The following KCTD8 variants were observed in gnomAD, a reference collection of about 807,000 sequenced individuals.
The protein encoded by KCTD8 is potassium channel tetramerization domain containing 8, also known as BTB/POZ domain-containing protein KCTD8.
Under a neutral mutation model 31.5 loss-of-function variants are expected in KCTD8, and 27 were observed. The ratio of observed to expected loss-of-function variants is 0.86; its 90% CI spans 0.63 to 1.18. The LOEUF (loss-of-function observed/expected upper bound fraction) is 1.18, where lower values mean the gene tolerates loss of function less well. KCTD8 is among the 50% of genes most tolerant of loss of function. The pLI is 0.00. For missense variants in KCTD8, 658 were observed against 647.7 expected, an observed-to-expected ratio of 1.02 and a Z score of -0.17; for synonymous variants, 290 against 280.0, an observed-to-expected ratio of 1.04 and a Z score of -0.36.
At chr4:44,231,625 C>T (rs879702205) in intron 1 of KCTD8, among the ~76,000 whole-genome samples, 2 of 152,060 alleles carry the variant, frequency 1.3e-5, no homozygotes, top group African/African-American at 2.4e-5. Flanking sequence ...ATGTTAGAAG[C>T]AGTAGGAAAT....
intron 1 of KCTD8, among the ~76,000 whole-genome samples, chr4:44,420,565 C>T (rs1276062416): frequency 6.6e-6 from 1 of 152,074 alleles, no homozygotes; most frequent in Non-Finnish European, 1.5e-5. Context: ...ACAGAGTAGG[C>T]CATAATTTGA....
chr4:44,342,201 C>T (rs181895843), intron 1 of KCTD8, among the ~76,000 whole-genome samples: 257 of 152,036 alleles, frequency 1.7e-3, no homozygotes, highest in African/African-American at 5.6e-3. Flanking sequence ...GAAACCCCGT[C>T]TCTACTAAAA....
At chr4:44,348,034 T>C (rs1046929054) in intron 1 of KCTD8, among the ~76,000 whole-genome samples, 12 of 152,200 alleles carry the variant, frequency 7.9e-5, no homozygotes, top group Non-Finnish European at 1.3e-4. Context: ...ACAAAAATTA[T>C]AGCCCAATTT....
chr4:44,224,738 A>G (rs1162548505), intron 1 of KCTD8, among the ~76,000 whole-genome samples: 1 of 152,188 alleles, frequency 6.6e-6, no homozygotes, highest in Admixed American at 6.5e-5. Flanking sequence ...TGTCCACATA[A>G]TAGTTCATTG....
chr4:44,317,383 G>GCGCC (rs1445391834), intron 1 of KCTD8, among the ~76,000 whole-genome samples: 1 of 143,960 alleles, frequency 6.9e-6, no homozygotes, highest in Non-Finnish European at 1.5e-5. Flanking sequence ...GGGACTACAG[G>GCGCC]CGCCCGCCAC....
At chr4:44,441,369 T>A (rs924737300) in intron 1 of KCTD8, among the ~76,000 whole-genome samples, 1 of 152,180 alleles carries the variant, frequency 6.6e-6, no homozygotes, top group Non-Finnish European at 1.5e-5. Flanking sequence ...TATAAAAATA[T>A]TCATGAATAC....
intron 1 of KCTD8, among the ~76,000 whole-genome samples, chr4:44,441,287 T>C (rs1243341208): frequency 6.6e-6 from 1 of 152,162 alleles, no homozygotes; most frequent in African/African-American, 2.4e-5. Context: ...CAGGTATTAC[T>C]GTTTTATCAA....
chr4:44,264,959 G>A (rs1245291109), intron 1 of KCTD8, among the ~76,000 whole-genome samples: 3 of 152,324 alleles, frequency 2.0e-5, no homozygotes, highest in Non-Finnish European at 2.9e-5. Flanking sequence ...ACCTCTGGGG[G>A]CAGGGCACAG....
intron 1 of KCTD8, among the ~76,000 whole-genome samples, chr4:44,327,805 A>C (rs1430025192): frequency 6.6e-6 from 1 of 151,760 alleles, no homozygotes; most frequent in African/African-American, 2.4e-5. Context: ...AATGAAGTAG[A>C]TCCTAACTCA....
chr4:44,263,925 G>T (rs1467713802), intron 1 of KCTD8, among the ~76,000 whole-genome samples: 1 of 152,110 alleles, frequency 6.6e-6, no homozygotes, highest in Non-Finnish European at 1.5e-5. Context: ...TATTTTCCTT[G>T]CCAGGAACTA....
intron 1 of KCTD8, among the ~76,000 whole-genome samples, chr4:44,346,602 C>T (rs1428887580): frequency 6.6e-6 from 1 of 152,040 alleles, no homozygotes; most frequent in Non-Finnish European, 1.5e-5. Flanking sequence ...CTGGCTCAAA[C>T]TAAAAATATA....
chr4:44,389,391 T>C (rs575879126), intron 1 of KCTD8, among the ~76,000 whole-genome samples: 1 of 151,866 alleles, frequency 6.6e-6, no homozygotes, highest in South Asian at 2.1e-4. Flanking sequence ...CTTATGTACA[T>C]CATAAATACA....
At chr4:44,391,871 G>C (rs1720383804) in intron 1 of KCTD8, among the ~76,000 whole-genome samples, 1 of 151,950 alleles carries the variant, frequency 6.6e-6, no homozygotes, top group African/African-American at 2.4e-5. Flanking sequence ...TTCCATACGA[G>C]TTCAGATTTT....
chr4:44,179,131 A>G (rs939262212), intron 1 of KCTD8, among the ~76,000 whole-genome samples: 22 of 152,200 alleles, frequency 1.4e-4, no homozygotes, highest in African/African-American at 5.1e-4. Context: ...AATGGGTCTA[A>G]CTGAATTTCC....
intron 1 of KCTD8, among the ~76,000 whole-genome samples, chr4:44,323,588 C>A (rs906208519): frequency 6.7e-6 from 1 of 149,760 alleles, no homozygotes; most frequent in African/African-American, 2.5e-5. Flanking sequence ...CAACTCACCA[C>A]TTGCCCTGGG....
chr4:44,360,187 T>A (rs1719460012), intron 1 of KCTD8, among the ~76,000 whole-genome samples: 1 of 151,940 alleles, frequency 6.6e-6, no homozygotes, highest in African/African-American at 2.4e-5. Flanking sequence ...AAATTATAAA[T>A]GTAATATAAT....
intron 1 of KCTD8, among the ~76,000 whole-genome samples, chr4:44,422,272 TATATA>T (rs1257993724): frequency 2.0e-5 from 3 of 152,102 alleles, no homozygotes; most frequent in African/African-American, 7.2e-5. Flanking sequence ...GAATTAAGTA[TATATA>T]ATATGAGGAT....
chr4:44,264,481 A>T (rs904458076), intron 1 of KCTD8, among the ~76,000 whole-genome samples: 1 of 152,164 alleles, frequency 6.6e-6, no homozygotes, highest in African/African-American at 2.4e-5. Context: ...AGATTTCTTC[A>T]TTTCCATCTG....
intron 1 of KCTD8, among the ~76,000 whole-genome samples, chr4:44,313,844 A>C (rs1426133066): frequency 1.3e-5 from 2 of 152,200 alleles, no homozygotes; most frequent in African/African-American, 4.8e-5. Context: ...GAGTTGGCCA[A>C]GCAGGGATGT....
Sources: gnomAD v4.1 joint callset for allele counts (sites outside exome capture counted in the v4.1 genomes callset) on GRCh38, gnomAD v4.1.1 for gene constraint, MANE v1.5 for transcripts, NCBI Gene and HGNC (gene_info 2026-07-23, HGNC 2026-07-21) for gene names.